Variants in CREB3L2 observed in about 807,000 individuals in gnomAD.
The protein encoded by CREB3L2 is cyclic AMP-responsive element-binding protein 3-like protein 2.
A neutral mutation model predicts 57.2 loss-of-function variants in CREB3L2; 23 were observed. That is an observed-to-expected ratio of 0.40 (90% CI 0.29 to 0.57). CREB3L2 has a LOEUF of 0.57. Among genes scored for constraint, CREB3L2 ranks in the 20% least tolerant of loss-of-function variants. The pLI, the probability that CREB3L2 is intolerant of heterozygous loss-of-function variation, is 0.42. For synonymous variants in CREB3L2, 268 were observed against 265.1 expected (o/e 1.01, Z -0.11); for missense variants, 628 against 634.7 (o/e 0.99, Z 0.11).
intron 1 of CREB3L2, among the ~76,000 whole-genome samples, chr7:137,992,931 T>C (rs1301902569): frequency 6.6e-6 from 1 of 152,020 alleles, no homozygotes; most frequent in African/African-American, 2.4e-5. Flanking sequence ...ACTAAGGAAA[T>C]GGAGGCCATG....
chr7:137,945,347 C>G (rs915414078), intron 1 of CREB3L2, among the ~76,000 whole-genome samples: 5 of 152,162 alleles, frequency 3.3e-5, no homozygotes, highest in Non-Finnish European at 5.9e-5. Flanking sequence ...ACAATGAAGA[C>G]CTCTAATTTA....
intron 1 of CREB3L2, among the ~76,000 whole-genome samples, chr7:137,973,043 C>A (rs1801545153): frequency 6.6e-6 from 1 of 151,724 alleles, no homozygotes; most frequent in Non-Finnish European, 1.5e-5. Context: ...CAGACACACA[C>A]ACCCCAAATC....
chr7:137,936,149 A>G (rs112417), intron 1 of CREB3L2, among the ~76,000 whole-genome samples: 69,933 of 152,170 alleles, frequency 0.46, 16,745 homozygotes, highest in East Asian at 0.78. Context: ...CAGTGGGAGC[A>G]TGGGCAGAAA....
intron 2 of CREB3L2, among the ~76,000 whole-genome samples, 165 bp from the exon 3 acceptor site, chr7:137,916,177 C>G (rs897535503): frequency 6.6e-6 from 1 of 152,114 alleles, no homozygotes; most frequent in Admixed American, 6.5e-5. Context: ...TAGATATGAA[C>G]AGCAAAGAAA....
chr7:137,879,110 T>A lies in CREB3L2; in HGVS notation c.*1366A>T. ...TACACAATAAAAAGGCAATTTCCAC[T>A]TCTTATTTATATGAAAGAGGAAAGA... On this transcript the variant is annotated 3_prime_UTR_variant, in exon 12 of 12. Transcript: ENST00000330387. The A allele has an allele frequency of 4.0e-6, 2 of 495,202 alleles. No homozygotes were observed. The highest frequency in any genetic ancestry group is 3.5e-5 in the South Asian group (2 of 57,284). 30.7% of individuals were successfully genotyped at this position (495,202 alleles called of 1,614,324 possible).
rs897174754 is a variant in CREB3L2 at position 137,876,018 on chromosome 7, C to A, written c.*4458G>T. ...AGGTTCCTTTGCCCTGAGAAATGTT[C>A]CGCTATGAGGATTTATAATACCTTT... On this transcript the variant is annotated 3_prime_UTR_variant, in exon 12 of 12. Transcript: ENST00000330387. The A allele has an allele frequency of 4.4e-6, 1 of 229,380 alleles. No homozygotes were observed. The highest frequency in any genetic ancestry group is 8.6e-6 in the Non-Finnish European group (1 of 115,720). The allele number at this position is 229,380 out of a possible 1,614,324, so 14.2% of individuals were successfully genotyped here.
At chr7:137,940,151 C>T (rs1345467615) in intron 1 of CREB3L2, among the ~76,000 whole-genome samples, 2 of 152,064 alleles carry the variant, frequency 1.3e-5, no homozygotes, top group Non-Finnish European at 2.9e-5. Flanking sequence ...GTCTCTTGCC[C>T]TCTCTGCAGT....
intron 1 of CREB3L2, among the ~76,000 whole-genome samples, chr7:137,928,937 T>C (rs1800544992): frequency 6.6e-6 from 1 of 152,192 alleles, no homozygotes; most frequent in South Asian, 2.1e-4. Flanking sequence ...CATGATTCAC[T>C]GGGGGTCCTT....
At chr7:137,902,978 G>A (rs576599607) in intron 7 of CREB3L2, among the ~76,000 whole-genome samples, 1 of 151,988 alleles carries the variant, frequency 6.6e-6, no homozygotes, top group East Asian at 1.9e-4. Flanking sequence ...CACCATGCCT[G>A]GCTAATTTTT....
chr7:137,928,499 G>A (rs531586739), intron 1 of CREB3L2, 133 bp from the exon 2 acceptor site: 39 of 724,960 alleles, frequency 5.4e-5, no homozygotes, highest in African/African-American at 4.8e-4. Flanking sequence ...CAGTTAGCTC[G>A]TGCTGTGTAG....
intron 8 of CREB3L2, among the ~76,000 whole-genome samples, chr7:137,893,899 C>A (rs1297641651): frequency 6.6e-6 from 1 of 152,230 alleles, no homozygotes; most frequent in Non-Finnish European, 1.5e-5. Flanking sequence ...CAGCCCAACA[C>A]CTGCTCCTTC....
intron 1 of CREB3L2, chr7:137,957,652 A>T: frequency 3.2e-6 from 2 of 621,130 alleles, no homozygotes; most frequent in Admixed American, 3.3e-5. Flanking sequence ...TTTTTTCTTC[A>T]TTTTTAGAAA....
chr7:137,953,421 T>G, intron 1 of CREB3L2: 1 of 1,248,718 alleles, frequency 8.0e-7, no homozygotes, highest in Non-Finnish European at 1.1e-6. Flanking sequence ...GCCTGAGGAA[T>G]AGATGGATAA....
intron 1 of CREB3L2, among the ~76,000 whole-genome samples, chr7:137,968,258 C>T (rs1382351776): frequency 2.6e-5 from 4 of 151,376 alleles, no homozygotes; most frequent in Admixed American, 6.6e-5. Context: ...ATGTGCACAA[C>T]GTGCAGGTTT....
At position 138,001,042 on chromosome 7, in the gene CREB3L2, A is replaced by G. The variant is rs570904915; in HGVS notation, c.102+562T>C. On this transcript the variant is annotated intron_variant, in intron 1 of 11. Transcript: ENST00000330387. This position sits in a 1 kb window ranked among gnomAD's most constrained non-coding sequence, Gnocchi z 4.2. ...CTTGGTCGTACAGTTTAAGAAAGCA[A>G]ATAAAGCCGCCTTTCTCCCTAACGT... 4.0e-5 allele frequency among the ~76,000 whole-genome samples: 6 copies of G among 150,686 alleles called. No homozygotes were observed. The highest frequency in any genetic ancestry group is 7.4e-5 in the Non-Finnish European group (5 of 67,698).
At chr7:137,948,984 G>T (rs1801047650) in intron 1 of CREB3L2, among the ~76,000 whole-genome samples, 1 of 152,170 alleles carries the variant, frequency 6.6e-6, no homozygotes, top group Admixed American at 6.5e-5. Flanking sequence ...AAATATAAAG[G>T]ACATTCACAC....
At chr7:137,985,923 T>G (rs912110502) in intron 1 of CREB3L2, among the ~76,000 whole-genome samples, 6 of 152,162 alleles carry the variant, frequency 3.9e-5, no homozygotes, top group Non-Finnish European at 7.4e-5. Flanking sequence ...AATTCAGAGG[T>G]CTTATTCTAT....
intron 8 of CREB3L2, among the ~76,000 whole-genome samples, chr7:137,890,919 C>T (rs1271077639): frequency 6.6e-6 from 1 of 152,206 alleles, no homozygotes; most frequent in Non-Finnish European, 1.5e-5. Context: ...AGGACAGATC[C>T]AATGGTGCCT....
chr7:137,972,843 A>ACT (rs1046069256), intron 1 of CREB3L2, among the ~76,000 whole-genome samples: 1 of 150,182 alleles, frequency 6.7e-6, no homozygotes, highest in African/African-American at 2.4e-5. Context: ...AGGGAACTAA[A>ACT]CTCTAAGGCA....
Sources: allele counts gnomAD v4.1 joint callset (sites outside exome capture counted in the v4.1 genomes callset), GRCh38; gene constraint gnomAD v4.1.1; non-coding constraint Gnocchi (gnomAD v3.1); transcripts MANE v1.5; gene names NCBI Gene and HGNC (gene_info 2026-07-23, HGNC 2026-07-21).